Variants in NDUFAF6 observed in about 807,000 individuals in gnomAD.
The protein encoded by NDUFAF6 is NADH dehydrogenase (ubiquinone) complex I, assembly factor 6.
In NDUFAF6, 45 loss-of-function variants were observed where a neutral mutation model predicts 40.8. That is an observed-to-expected ratio of 1.10 (90% CI 0.87 to 1.42). The LOEUF (loss-of-function observed/expected upper bound fraction) is 1.42, where lower values mean the gene tolerates loss of function less well. NDUFAF6 is among the 40% of genes most tolerant of loss of function. The pLI is 0.00. For missense variants in NDUFAF6, 435 were observed against 418.5 expected (o/e 1.04, Z -0.34); for synonymous variants, 185 against 155.9 (o/e 1.19, Z -1.39).
At chr8:94,916,941 C>T (rs538838577) in intron 1 of NDUFAF6, among the ~76,000 whole-genome samples, 3 of 151,634 alleles carry the variant, frequency 2.0e-5, no homozygotes, top group Non-Finnish European at 4.4e-5. Context: ...GGTGAAACCC[C>T]GTCTCTACTA....
intron 2 of NDUFAF6, among the ~76,000 whole-genome samples, chr8:95,003,443 A>T (rs1294951154): frequency 6.6e-6 from 1 of 152,202 alleles, no homozygotes; most frequent in African/African-American, 2.4e-5. Context: ...CTGGCTCAGT[A>T]CTGGGTAGGT....
At chr8:94,904,846 A>G (rs1319239914) in intron 1 of NDUFAF6, among the ~76,000 whole-genome samples, 1 of 151,936 alleles carries the variant, frequency 6.6e-6, no homozygotes, top group African/African-American at 2.4e-5. Flanking sequence ...ATCTTCCTGC[A>G]TAACTGTCAT....
At chr8:94,914,583 A>T (rs1440628364) in intron 1 of NDUFAF6, among the ~76,000 whole-genome samples, 1 of 152,172 alleles carries the variant, frequency 6.6e-6, no homozygotes, top group Non-Finnish European at 1.5e-5. Context: ...TTTCCAGAAT[A>T]TGCCACCAGG....
At chr8:95,059,047 A>G (rs1832493998), downstream of NDUFAF6, among the ~76,000 whole-genome samples, 1 of 152,176 alleles carries the variant, frequency 6.6e-6, no homozygotes, top group African/African-American at 2.4e-5. Context: ...AGACAAACGA[A>G]TAATAATTAA....
chr8:95,007,670 T>TC, intron 2 of NDUFAF6, among the ~76,000 whole-genome samples: 1 of 150,300 alleles, frequency 6.7e-6, no homozygotes, highest in Middle Eastern at 3.5e-3. Context: ...TTTTTTTTTT[T>TC]TTTTTTTTTT....
chr8:95,099,461 G>A (rs115082985), upstream of NDUFAF6, among the ~76,000 whole-genome samples: 483 of 151,962 alleles, frequency 3.2e-3, no homozygotes, highest in African/African-American at 0.011. Context: ...GGGGTTGAGC[G>A]TAAAGAGTTC....
intron 9 of NDUFAF6, among the ~76,000 whole-genome samples, chr8:95,074,778 C>G (rs1386249866): frequency 6.6e-6 from 1 of 152,148 alleles, no homozygotes; most frequent in Non-Finnish European, 1.5e-5. Flanking sequence ...TGGATTTTCT[C>G]TGTTACATTT....
chr8:94,932,071 C>T (rs1348642829), intron 1 of NDUFAF6: 9 of 1,609,848 alleles, frequency 5.6e-6, no homozygotes, highest in Middle Eastern at 3.3e-4. Context: ...TATACTTACT[C>T]TGTGCCCGTG....
chr8:95,094,695 G>T (rs564479370), intron 2 of NDUFAF6, among the ~76,000 whole-genome samples: 2 of 150,694 alleles, frequency 1.3e-5, no homozygotes, highest in Non-Finnish European at 3.0e-5. Context: ...GATTACAGGC[G>T]TGGGCCTCTG....
intron 2 of NDUFAF6, among the ~76,000 whole-genome samples, chr8:95,018,738 G>T (rs1348376506): frequency 6.6e-6 from 1 of 152,216 alleles, no homozygotes; most frequent in Non-Finnish European, 1.5e-5. Context: ...TGCCAAAAGA[G>T]AAATGAGAAA....
chr8:95,014,055 G>T (rs1827337461), intron 2 of NDUFAF6, among the ~76,000 whole-genome samples: 1 of 152,176 alleles, frequency 6.6e-6, no homozygotes, highest in African/African-American at 2.4e-5. Flanking sequence ...TAGCAGAGAG[G>T]CACAGCACAG....
chr8:95,003,493 G>A (rs1213449194), intron 2 of NDUFAF6, among the ~76,000 whole-genome samples: 1 of 152,150 alleles, frequency 6.6e-6, no homozygotes, highest in African/African-American at 2.4e-5. Context: ...AGAATTTAGA[G>A]ACAGGTCTAA....
intron 4 of NDUFAF6, among the ~76,000 whole-genome samples, chr8:95,112,706 C>T (rs1810032638): frequency 6.6e-6 from 1 of 152,232 alleles, no homozygotes; most frequent in Admixed American, 6.5e-5. Flanking sequence ...CCATCCTGCT[C>T]CCTCCTGTCC....
intron 1 of NDUFAF6, among the ~76,000 whole-genome samples, chr8:94,923,023 C>T (rs1196201087): frequency 6.6e-6 from 1 of 152,090 alleles, no homozygotes; most frequent in Non-Finnish European, 1.5e-5. Context: ...GCAAGCCTTG[C>T]ATTCAGATTG....
In NDUFAF6 at chr8:94,936,260, C is replaced by T. The variant is rs77577461; in HGVS notation, c.-935-9223C>T. On this transcript the variant is annotated intron_variant, in intron 1 of 14. Transcript: ENST00000396113. Reference sequence around the variant, plus strand: ...GAAACACTAATTAGGAGGGCAGTGCCCAGAAGAGTTCCATAATAAATGGAA... The same window carrying T: ...GAAACACTAATTAGGAGGGCAGTGCTCAGAAGAGTTCCATAATAAATGGAA... Among the ~76,000 whole-genome samples, 1,299 of 152,174 alleles carry T rather than the reference C, an allele frequency of 8.5e-3. 10 individuals are homozygous for T. Among genetic ancestry groups the T allele is most frequent in the Middle Eastern group, 0.02 (6 of 294 alleles).
At chr8:94,952,795 C>T (rs1055611171) in intron 2 of NDUFAF6, among the ~76,000 whole-genome samples, 2 of 152,266 alleles carry the variant, frequency 1.3e-5, no homozygotes, top group African/African-American at 2.4e-5. Context: ...CCTATTTCCA[C>T]GTGGTGATTA....
intron 1 of NDUFAF6, among the ~76,000 whole-genome samples, chr8:94,903,168 G>C (rs1187982292): frequency 6.6e-6 from 1 of 151,992 alleles, no homozygotes; most frequent in Non-Finnish European, 1.5e-5. Context: ...CTAGGAGTTC[G>C]AGACCACCCT....
At chr8:94,980,816 AC>A in intron 1 of NDUFAF6, 1 of 404,400 alleles carries the variant, frequency 2.5e-6, no homozygotes, top group South Asian at 1.8e-5. Context: ...TACCTCCATT[AC>A]CCCTTTTCTC....
chr8:94,924,857 C>T (rs1293130084), intron 1 of NDUFAF6, among the ~76,000 whole-genome samples: 1 of 152,216 alleles, frequency 6.6e-6, no homozygotes, highest in Non-Finnish European at 1.5e-5. Context: ...ATTCTCCTGC[C>T]TCAGCCTCCC....
Sources: gnomAD v4.1 joint callset for allele counts (sites outside exome capture counted in the v4.1 genomes callset) on GRCh38, gnomAD v4.1.1 for gene constraint, MANE v1.5 for transcripts, NCBI Gene and HGNC (gene_info 2026-07-23, HGNC 2026-07-21) for gene names.